Variants in NOTCH4 observed in about 807,000 individuals in gnomAD.
NOTCH4 encodes notch receptor 4.
Under a neutral mutation model 189.0 loss-of-function variants are expected in NOTCH4, and 138 were observed. The observed-to-expected ratio is 0.73, with a 90% CI of 0.64 to 0.84. The LOEUF is 0.84. Among genes scored for constraint, NOTCH4 ranks in the 40% least tolerant of loss-of-function variants. NOTCH4 has a pLI of 0.00. For missense variants in NOTCH4, 2,286 were observed against 2,605.4 expected (o/e 0.88, Z 2.67); for synonymous variants, 942 against 1,032.8 (o/e 0.91, Z 1.69).
intron 11 of NOTCH4, 114 bp downstream of exon 11, chr6:32,216,831 C>G: frequency 8.1e-7 from 1 of 1,235,866 alleles, no homozygotes; most frequent in Non-Finnish European, 1.2e-6. Context: ...TTAAAGGATA[C>G]CATTCTCATT....
Position 32,215,288 on chromosome 6 carries a change from A to G in NOTCH4, c.1959T>C (p.Asp653=), listed in dbSNP as rs555197630. The G allele has an allele frequency of 6.2e-7, 1 of 1,607,478 alleles. No individual in the cohort carries two copies. The highest frequency in any genetic ancestry group is 8.5e-7 in the Non-Finnish European group (1 of 1,178,056). ...QKDKANCLCP[D]GSPGCAPPED... is the part of the protein sequence containing the mutation. ...CAGGTGGGGCACAGCCAGGGCTTCCATCAGGACAGAGGCAGTTGGCCTTGT... is the reference window on the plus strand; with the variant it reads ...CAGGTGGGGCACAGCCAGGGCTTCCGTCAGGACAGAGGCAGTTGGCCTTGT... The change falls in exon 12 of 30, where the codon GAT becomes GAC. Residue 653 remains aspartate (D), a synonymous_variant. Transcript: ENST00000375023.
chr6:32,200,802 G>A lies in NOTCH4; in HGVS notation c.4315+29C>T, dbSNP rs1446180074. On this transcript the variant is annotated intron_variant, in intron 23 of 29. Transcript: ENST00000375023. The surrounding 1 kb of genome is among the most constrained non-coding windows in gnomAD (Gnocchi z 5.0). ...CATGAGAGCTGGCCTGGGAACAGAG[G>A]TCAGAGAAAGTGGCAAGGGGTCACC... 1 of 1,566,780 alleles carries A rather than the reference G, an allele frequency of 6.4e-7. No individual in the cohort carries two copies. The highest frequency in any genetic ancestry group is 1.8e-5 in the Admixed American group (1 of 54,366).
At chr6:32,222,485 T>G in intron 3 of NOTCH4, 26 bp downstream of exon 3, 1 of 1,495,302 alleles carries the variant, frequency 6.7e-7, no homozygotes, top group South Asian at 1.4e-5. Flanking sequence ...GCCTGTCCCC[T>G]CCTGGCTGCC....
chr6:32,197,271 C>A, intron 27 of NOTCH4, 28 bp downstream of exon 27: 1 of 1,516,524 alleles, frequency 6.6e-7, no homozygotes, highest in Non-Finnish European at 8.8e-7. Flanking sequence ...TCGCCCCATT[C>A]CCTGTAGGGA....
At chr6:32,203,513 C>T in intron 20 of NOTCH4, 1 of 505,268 alleles carries the variant, frequency 2.0e-6, no homozygotes, top group Non-Finnish European at 3.5e-6. Context: ...ACCCACCACG[C>T]AGCTTGAGCT....
intron 13 of NOTCH4, 28 bp downstream of exon 13, chr6:32,214,082 G>T: frequency 6.3e-7 from 1 of 1,592,580 alleles, no homozygotes; most frequent in Non-Finnish European, 8.6e-7. Context: ...ACCAGCACAG[G>T]GTGTATATGG....
chr6:32,210,829 G>C lies in NOTCH4; in HGVS notation c.2788C>G (p.His930Asp). 1.2e-6 allele frequency: 2 copies of C among 1,613,050 alleles called. No homozygotes were observed. Among genetic ancestry groups the C allele is most frequent in the Non-Finnish European group, 1.7e-6 (2 of 1,180,016 alleles). ...GGCCTGGACTCACATGGGTTCACGT[G>C]ATCCTGGCACAGGCTGCCTTGGAAT... is the stretch of plus-strand genomic sequence containing the variant. ...PGFQGSLCQD[H>D]VNPCESRPCQ... is the part of the protein sequence containing the mutation. Residue 930 changes from histidine (H) to aspartate (D), a missense_variant, in exon 18 of 30, where the codon CAC becomes GAC. Coordinates refer to ENST00000375023, the MANE Select transcript of NOTCH4 (RefSeq NM_004557.4). This position sits in a 1 kb window ranked among gnomAD's most constrained non-coding sequence, Gnocchi z 4.8.
chr6:32,213,977 A>T, intron 13 of NOTCH4, 133 bp downstream of exon 13: 1 of 1,416,882 alleles, frequency 7.1e-7, no homozygotes, highest in Non-Finnish European at 9.7e-7. Flanking sequence ...ACCACCTCCC[A>T]CACATCACCC....
In NOTCH4 at chr6:32,220,520, G is replaced by C. The variant is rs423023; in HGVS notation, c.1044C>G (p.Gly348=). Residue 348 remains glycine, a synonymous_variant, in exon 6 of 30, where the codon GGC becomes GGG. Transcript: ENST00000375023. The part of the protein sequence containing the change: ...SFHCVCVSGW[G]GTSCEENLDD... Reference sequence around the variant, plus strand: ...CCAGGTTCTCCTCACAGCTTGTGCCGCCCCAGCCACTCACACACACGCAGT... The same window carrying C: ...CCAGGTTCTCCTCACAGCTTGTGCCCCCCCAGCCACTCACACACACGCAGT... 487,251 of 1,612,612 alleles carry C rather than the reference G, an allele frequency of 0.3. 76,475 individuals are homozygous for C. The highest frequency in any genetic ancestry group is 0.4 in the Middle Eastern group (2,408 of 6,056).
At position 32,201,616 on chromosome 6, in the gene NOTCH4, C is replaced by T. The variant is rs1788359809; in HGVS notation, c.3756-116G>A. 1 of 1,032,770 alleles carries T rather than the reference C, an allele frequency of 9.7e-7. No homozygotes were observed. Among genetic ancestry groups the T allele is most frequent in the Non-Finnish European group, 1.3e-6 (1 of 759,948 alleles). The allele number at this position is 1,032,770 out of a possible 1,614,324, so 64.0% of individuals were successfully genotyped here. On this transcript the variant is annotated intron_variant, in intron 21 of 29. Coordinates refer to ENST00000375023, the MANE Select transcript of NOTCH4 (RefSeq NM_004557.4). The surrounding 1 kb of genome is among the most constrained non-coding windows in gnomAD (Gnocchi z 5.5). ...TAGGGCTTTGGTTGCTAAGTGGGGG[C>T]AGCTGTGGAGCAATGAGCTTAGTCA...
In NOTCH4 at chr6:32,214,484, T is replaced by TATATATATATATATATATATAC. The variant is rs28383875; in HGVS notation, c.2022-230_2022-229insGTATATATATATATATATATAT. ...AGTTGGAGATATATATATATATATA[T>TATATATATATATATATATATAC]ACACACATATATATTCTTTCTGTAA... On this transcript the variant is annotated intron_variant, in intron 12 of 29. Transcript: ENST00000375023. Among the ~76,000 whole-genome samples the TATATATATATATATATATATAC allele has an allele frequency of 8.5e-3, 1,191 of 140,740 alleles. 21 individuals are homozygous for TATATATATATATATATATATAC. Among genetic ancestry groups the TATATATATATATATATATATAC allele is most frequent in the East Asian group, 0.046 (195 of 4,260 alleles). 92.3% of individuals were successfully genotyped at this position (140,740 alleles called of 152,430 possible).
At chr6:32,214,484 T>TATATATATATATATATATATTTATATAC (rs28383875) in intron 12 of NOTCH4, among the ~76,000 whole-genome samples, 1 of 141,176 alleles carries the variant, frequency 7.1e-6, no homozygotes, top group African/African-American at 2.8e-5. Flanking sequence ...TATATATATA[T>TATATATATATATATATATATTTATATAC]ACACACATAT....
In NOTCH4 at chr6:32,220,485, A is replaced by G; in HGVS notation, c.1079T>C (p.Ile360Thr). The change falls in exon 6 of 30, where the codon ATT becomes ACT. Residue 360 changes from isoleucine (I) to threonine (T), a missense_variant. Physicochemically the swap from Ile to Thr is moderately conservative, Grantham distance 89. Around this residue, in one of 2 missense-constraint regions of NOTCH4, gnomAD observed 1,903 missense variants for 2,261.9 expected, o/e 0.84. Transcript: ENST00000375023. ...GGATCCCGGGGCACAGGTGGCAGCA[A>G]TACAGTCATCCAGGTTCTCCTCACA... ...TSCEENLDDC[I>T]AATCAPGSTC... 1 of 1,613,704 alleles carries G rather than the reference A, an allele frequency of 6.2e-7. No individual in the cohort carries two copies. Among genetic ancestry groups the G allele is most frequent in the Non-Finnish European group, 8.5e-7 (1 of 1,180,018 alleles).
chr6:32,196,420 C>T lies in NOTCH4; in HGVS notation c.5202G>A (p.Gly1734=), dbSNP rs749675272. ...CAGCAGCCCAGTGCAGCGCAGTTTT[C>T]CCTAGGGGACGACGTGGGAGGTTGT... The part of the protein sequence containing the change: ...QADVGARDKW[G]KTALHWAAAV... Residue 1734 remains glycine (G), a splice_region_variant and synonymous_variant, in exon 29 of 30, where the codon GGG becomes GGA. Transcript: ENST00000375023. The T allele has an allele frequency of 3.7e-6, 6 of 1,612,778 alleles. No homozygotes were observed. In the South Asian group the frequency reaches 5.5e-5, roughly 15 times the overall value.
rs150261618 is a variant in NOTCH4, at chr6:32,201,690, C to T, written c.3756-190G>A. The T allele has an allele frequency of 5.0e-4, 235 of 470,286 alleles. 1 individual carries two copies. The highest frequency in any genetic ancestry group is 4.2e-3 in the African/African-American group (212 of 50,270). 29.1% of individuals were successfully genotyped at this position (470,286 alleles called of 1,614,324 possible). A position where few individuals can be genotyped will look rare whatever the true frequency, so the allele number is the denominator to read the frequency against. Reference sequence around the variant, plus strand: ...CCCCAATGTCTGCTAACACCCCTGTCTCCCTAGACTGTCCCCTCTCTGTAC... The same window carrying T: ...CCCCAATGTCTGCTAACACCCCTGTTTCCCTAGACTGTCCCCTCTCTGTAC... On this transcript the variant is annotated intron_variant, in intron 21 of 29. Coordinates refer to ENST00000375023, the MANE Select transcript of NOTCH4 (RefSeq NM_004557.4). The surrounding 1 kb of genome is among the most constrained non-coding windows in gnomAD (Gnocchi z 5.5).
rs2127488307 is a variant in NOTCH4 at position 32,220,812 on chromosome 6, C to T, written c.866G>A (p.Gly289Asp). 6.2e-7 allele frequency: 1 copy of T among 1,614,138 alleles called. No homozygotes were observed. Among genetic ancestry groups the T allele is most frequent in the Non-Finnish European group, 8.5e-7 (1 of 1,179,984 alleles). The change falls in exon 5 of 30, where the codon GGC becomes GAC. Residue 289 changes from glycine to aspartate, a missense_variant. By Grantham distance (94) the Gly-to-Asp change is moderately conservative. Coordinates refer to ENST00000375023, the MANE Select transcript of NOTCH4 (RefSeq NM_004557.4). ...NCVSHQCQNG[G>D]TCQDGLDTYT... Reference sequence around the variant, plus strand: ...GGTGTCCAGCCCATCCTGGCAAGTGCCCCCATTCTGACACTGGTGGCTGAC... The same window carrying T: ...GGTGTCCAGCCCATCCTGGCAAGTGTCCCCATTCTGACACTGGTGGCTGAC...
rs775896922 is a variant in NOTCH4, at chr6:32,196,335, G to T, written c.5287C>A (p.Gln1763Lys). The change falls in exon 29 of 30, where the codon CAG becomes AAG. Residue 1763 changes from glutamine (Q) to lysine (K), a missense_variant. Physicochemically the swap from Gln to Lys is moderately conservative, Grantham distance 53. This residue lies in a region of NOTCH4 where 383 missense variants were observed against 343.5 expected (regional missense o/e 1.11). Transcript: ENST00000375023. ...LLQAGADKDA[Q>K]DNREQTPLFL... The stretch of plus-strand genomic sequence containing the variant: ...CTGTCCCATCTAACCCTGTTGTCCT[G>T]GGCATCTTTATCGGCTCCGGCCTGG... 10 of 1,613,022 alleles carry T rather than the reference G, an allele frequency of 6.2e-6. No homozygotes were observed. The highest frequency in any genetic ancestry group is 2.7e-5 in the African/African-American group (2 of 74,950).
In NOTCH4 at chr6:32,199,268, A is replaced by G. The variant is rs1273998352; in HGVS notation, c.4316-123T>C. The stretch of plus-strand genomic sequence containing the variant: ...CGGTTTCCTTATCTGCAAAATGGGG[A>G]TGATAATATAGATTGAGGTTGGGCA... On this transcript the variant is annotated intron_variant, in intron 23 of 29. Coordinates refer to ENST00000375023, the MANE Select transcript of NOTCH4 (RefSeq NM_004557.4). The surrounding 1 kb of genome is among the most constrained non-coding windows in gnomAD (Gnocchi z 4.9). The G allele has an allele frequency of 2.9e-6, 2 of 699,476 alleles. No individual in the cohort carries two copies. The highest frequency in any genetic ancestry group is 4.7e-6 in the Non-Finnish European group (2 of 429,068). 43.3% of individuals were successfully genotyped at this position (699,476 alleles called of 1,614,324 possible). A position where few individuals can be genotyped will look rare whatever the true frequency, so the allele number is the denominator to read the frequency against.
In NOTCH4 at chr6:32,200,956, G is replaced by A. The variant is rs753178549; in HGVS notation, c.4190C>T (p.Pro1397Leu). 3.1e-6 allele frequency: 5 copies of A among 1,601,846 alleles called. No homozygotes were observed. Among genetic ancestry groups the A allele is most frequent in the East Asian group, 4.5e-5 (2 of 44,738 alleles). ...AGGGTCCCAGGGACAGCGGGATGCC[G>A]GGTGGTCAGGGCCACAGCGGGACAA... ...VDLSRCGPDHPASRCPWDPGL... is the reference protein window; with the variant it reads ...VDLSRCGPDHLASRCPWDPGL... Residue 1397 changes from proline to leucine, a missense_variant, in exon 23 of 30, where the codon CCG becomes CTG. This residue lies in a region of NOTCH4 where 1,903 missense variants were observed against 2,261.9 expected (regional missense o/e 0.84). Transcript: ENST00000375023. This position sits in a 1 kb window ranked among gnomAD's most constrained non-coding sequence, Gnocchi z 5.0.
Sources: gnomAD v4.1 joint callset for allele counts (sites outside exome capture counted in the v4.1 genomes callset) on GRCh38, gnomAD v4.1.1 for gene constraint, gnomAD v4.1.1 regional missense constraint, Gnocchi (gnomAD v3.1) non-coding constraint, MANE v1.5 for transcripts, NCBI Gene and HGNC (gene_info 2026-07-23, HGNC 2026-07-21) for gene names.